The following TANGO6 variants were observed in gnomAD, a reference collection of about 807,000 sequenced individuals.
TANGO6 encodes the protein transport and Golgi organization protein 6 homolog.
In TANGO6, 90 loss-of-function variants were observed where a neutral mutation model predicts 114.2. That is an observed-to-expected ratio of 0.79 (90% CI 0.66 to 0.94). TANGO6 has a LOEUF of 0.94. TANGO6 is among the 40% of genes least tolerant of loss of function. The probability of loss-of-function intolerance (pLI) is 0.00; values close to 1 mark genes in which losing one functional copy is unlikely to be tolerated. For missense variants in TANGO6, 1,274 were observed against 1,315.3 expected, an observed-to-expected ratio of 0.97 and a Z score of 0.49; for synonymous variants, 477 against 509.8, an observed-to-expected ratio of 0.94 and a Z score of 0.87.
chr16:68,861,514 A>G (rs1025498879), intron 2 of TANGO6, among the ~76,000 whole-genome samples: 6 of 152,144 alleles, frequency 3.9e-5, no homozygotes, highest in African/African-American at 1.4e-4. Flanking sequence ...CGGCAGGGTT[A>G]TGCGTATTGA....
chr16:68,900,597 G>T, intron 8 of TANGO6, 51 bp downstream of exon 8: 4 of 1,389,450 alleles, frequency 2.9e-6, no homozygotes, highest in Non-Finnish European at 4.0e-6. Context: ...CGTCTTTTTT[G>T]CATGTTGTTT....
intron 17 of TANGO6, among the ~76,000 whole-genome samples, chr16:69,070,032 C>T (rs1190139426): frequency 1.4e-5 from 2 of 145,452 alleles, no homozygotes; most frequent in African/African-American, 5.1e-5. Flanking sequence ...CATTGCAAAA[C>T]CCTGTCTGTA....
chr16:68,935,728 C>A (rs1963292851), intron 14 of TANGO6, among the ~76,000 whole-genome samples: 1 of 152,136 alleles, frequency 6.6e-6, no homozygotes, highest in Admixed American at 6.6e-5. Context: ...ATAAATGTCT[C>A]CCCTTTTGTA....
chr16:68,936,997 G>T (rs979579988), intron 14 of TANGO6, among the ~76,000 whole-genome samples: 9 of 152,154 alleles, frequency 5.9e-5, no homozygotes, highest in African/African-American at 1.7e-4. Context: ...GCAAAAGCCC[G>T]GAAGGGGGAA....
chr16:68,940,407 G>T (rs1197696446), intron 14 of TANGO6, among the ~76,000 whole-genome samples: 1 of 152,032 alleles, frequency 6.6e-6, no homozygotes, highest in Non-Finnish European at 1.5e-5. Flanking sequence ...GTTATTGACT[G>T]TGAAATTTTA....
intron 15 of TANGO6, among the ~76,000 whole-genome samples, chr16:69,007,691 G>A (rs762453348): frequency 7.2e-5 from 11 of 152,034 alleles, no homozygotes; most frequent in South Asian, 2.1e-4. Flanking sequence ...CAGTTCTCTC[G>A]AGTCATATGG....
intron 14 of TANGO6, among the ~76,000 whole-genome samples, chr16:68,963,475 CT>C (rs1237449758): frequency 1.3e-5 from 2 of 152,192 alleles, no homozygotes; most frequent in Non-Finnish European, 2.9e-5. Context: ...CTTCATACCC[CT>C]CCTTTTTAAA....
intron 17 of TANGO6, among the ~76,000 whole-genome samples, chr16:69,044,206 A>C (rs1959815306): frequency 6.6e-6 from 1 of 152,232 alleles, no homozygotes; most frequent in Non-Finnish European, 1.5e-5. Flanking sequence ...CTAGGATTAC[A>C]GATTTGCACC....
At chr16:68,955,854 A>G (rs1340636480) in intron 14 of TANGO6, among the ~76,000 whole-genome samples, 1 of 152,194 alleles carries the variant, frequency 6.6e-6, no homozygotes, top group Middle Eastern at 3.2e-3. Context: ...TCAGCTAAAA[A>G]TAACTATTAT....
At chr16:69,007,379 C>G (rs1454760034) in intron 15 of TANGO6, among the ~76,000 whole-genome samples, 2 of 151,094 alleles carry the variant, frequency 1.3e-5, no homozygotes, top group Non-Finnish European at 2.9e-5. Flanking sequence ...AAGCAATTCT[C>G]CTGCCTCAGC....
chr16:68,933,160 A>T lies in TANGO6; in HGVS notation c.2701+2865A>T, dbSNP rs532385578. On this transcript the variant is annotated intron_variant, in intron 14 of 17. Transcript: ENST00000261778. ...AACTACTCTGTGGCTCACGCCTATC[A>T]TCCCAGCACTTTGGGAGGCCGAGGT... Among the ~76,000 whole-genome samples the T allele has an allele frequency of 3.3e-5, 5 of 151,742 alleles. No individual in the cohort carries two copies. In the South Asian group the frequency reaches 1.0e-3, roughly 32 times the overall value.
At chr16:69,040,234 G>C (rs1215949980) in intron 16 of TANGO6, 74 bp from the exon 17 acceptor site, 3 of 1,294,514 alleles carry the variant, frequency 2.3e-6, no homozygotes, top group Non-Finnish European at 3.3e-6. Context: ...GTAGTAAGTG[G>C]AACACAGTTG....
chr16:69,047,852 T>G (rs559869938), intron 17 of TANGO6, among the ~76,000 whole-genome samples: 1 of 152,296 alleles, frequency 6.6e-6, no homozygotes, highest in South Asian at 2.1e-4. Context: ...TTGAAACTCT[T>G]TCCCTTGCTT....
At chr16:68,931,412 G>A (rs980923860) in intron 14 of TANGO6, among the ~76,000 whole-genome samples, 4 of 152,168 alleles carry the variant, frequency 2.6e-5, no homozygotes, top group South Asian at 2.1e-4. Flanking sequence ...GAATATACCC[G>A]ATAAATGAAA....
At chr16:69,076,851 C>T (rs1157242821) in intron 17 of TANGO6, among the ~76,000 whole-genome samples, 2 of 152,074 alleles carry the variant, frequency 1.3e-5, no homozygotes, top group Non-Finnish European at 2.9e-5. Flanking sequence ...ATTCACGCTC[C>T]CTGTCCCATT....
intron 15 of TANGO6, among the ~76,000 whole-genome samples, chr16:69,003,505 A>G (rs767377536): frequency 1.3e-5 from 2 of 152,196 alleles, no homozygotes; most frequent in Non-Finnish European, 2.9e-5. Flanking sequence ...CTTGTGAAGA[A>G]CATACCTTTT....
chr16:68,985,450 C>A (rs1963880296), intron 15 of TANGO6, among the ~76,000 whole-genome samples: 2 of 152,176 alleles, frequency 1.3e-5, no homozygotes, highest in South Asian at 4.1e-4. Context: ...TGACTCATGC[C>A]TGTAATCCTA....
intron 14 of TANGO6, among the ~76,000 whole-genome samples, chr16:68,972,554 G>A (rs1007428661): frequency 6.6e-6 from 1 of 152,060 alleles, no homozygotes; most frequent in Non-Finnish European, 1.5e-5. Flanking sequence ...TTTGAATCCT[G>A]TTTACTCATC....
chr16:69,045,335 T>G (rs1959838322), intron 17 of TANGO6, among the ~76,000 whole-genome samples: 1 of 147,662 alleles, frequency 6.8e-6, no homozygotes, highest in South Asian at 2.1e-4. Context: ...TCCTAGCTAC[T>G]CGGGAGGCTG....
Sources: allele counts gnomAD v4.1 joint callset (sites outside exome capture counted in the v4.1 genomes callset), GRCh38; gene constraint gnomAD v4.1.1; transcripts MANE v1.5; gene names NCBI Gene and HGNC (gene_info 2026-07-23, HGNC 2026-07-21).